The following DDX10 variants were observed in gnomAD, a reference collection of about 807,000 sequenced individuals.
The protein encoded by DDX10 is probable ATP-dependent RNA helicase DDX10.
In DDX10, 74 loss-of-function variants were observed where a neutral mutation model predicts 104.3. That is an observed-to-expected ratio of 0.71 (90% CI 0.59 to 0.86). DDX10 has a LOEUF of 0.86. Among genes scored for constraint, DDX10 ranks in the 40% least tolerant of loss-of-function variants. The probability of loss-of-function intolerance (pLI) is 0.00; values close to 1 mark genes in which losing one functional copy is unlikely to be tolerated. For synonymous variants in DDX10, 351 were observed against 353.4 expected, an observed-to-expected ratio of 0.99 and a Z score of 0.08; for missense variants, 952 against 1,040.0, an observed-to-expected ratio of 0.92 and a Z score of 1.16.
intron 13 of DDX10, among the ~76,000 whole-genome samples, chr11:108,726,079 G>A (rs372399244): frequency 6.6e-6 from 1 of 151,948 alleles, no homozygotes; most frequent in South Asian, 2.1e-4. Context: ...TTGAAAGTCA[G>A]TTGACTTTCA....
chr11:108,876,454 C>CA (rs1402301873), intron 16 of DDX10, among the ~76,000 whole-genome samples: 1 of 152,092 alleles, frequency 6.6e-6, no homozygotes, highest in Non-Finnish European at 1.5e-5. Context: ...CCTTTGGAGC[C>CA]ATGAGGTATG....
intron 10 of DDX10, among the ~76,000 whole-genome samples, chr11:108,711,860 C>T (rs2094284913): frequency 1.3e-5 from 2 of 152,198 alleles, no homozygotes; most frequent in South Asian, 2.1e-4. Flanking sequence ...TATGTTCTTA[C>T]TGACTTTCTG....
intron 16 of DDX10, among the ~76,000 whole-genome samples, chr11:108,853,880 A>C (rs1862829233): frequency 6.6e-6 from 1 of 152,234 alleles, no homozygotes; most frequent in South Asian, 2.1e-4. Context: ...CATCGGACTA[A>C]GAACAGAAAG....
chr11:108,693,691 G>A, intron 9 of DDX10, 91 bp downstream of exon 9: 3 of 1,022,346 alleles, frequency 2.9e-6, no homozygotes, highest in Non-Finnish European at 4.6e-6. Flanking sequence ...AAAGGAATCA[G>A]GTAAGTGAGT....
At chr11:108,736,128 A>G (rs558228363) in intron 13 of DDX10, among the ~76,000 whole-genome samples, 11 of 151,142 alleles carry the variant, frequency 7.3e-5, no homozygotes, top group African/African-American at 2.7e-4. Flanking sequence ...TATGAGAAAA[A>G]TGAACCCCTC....
At chr11:108,817,245 T>TA (rs1194710290) in intron 13 of DDX10, among the ~76,000 whole-genome samples, 3 of 152,226 alleles carry the variant, frequency 2.0e-5, no homozygotes, top group Non-Finnish European at 4.4e-5. Context: ...TGTGAGGCCT[T>TA]ACATAATCCA....
rs1355665720 is a variant in DDX10 at position 108,723,474 on chromosome 11, C to G, written c.1965+12C>G. On this transcript the variant is annotated intron_variant, in intron 13 of 17. Transcript: ENST00000322536. Reference sequence around the variant, plus strand: ...AGAAAACATTACAGGTAAGTTTACTCCCAGTGGAGGGTCTTCTATTACATT... The same window carrying G: ...AGAAAACATTACAGGTAAGTTTACTGCCAGTGGAGGGTCTTCTATTACATT... 1.2e-6 allele frequency: 2 copies of G among 1,601,206 alleles called. No homozygotes were observed. Among genetic ancestry groups the G allele is most frequent in the Non-Finnish European group, 1.7e-6 (2 of 1,174,408 alleles).
intron 13 of DDX10, among the ~76,000 whole-genome samples, chr11:108,800,672 G>A (rs903996943): frequency 6.6e-6 from 1 of 151,902 alleles, no homozygotes; most frequent in East Asian, 1.9e-4. Flanking sequence ...AATCAATATG[G>A]GAAACTATTG....
At chr11:108,874,755 A>G (rs1275806635) in intron 16 of DDX10, among the ~76,000 whole-genome samples, 1 of 152,124 alleles carries the variant, frequency 6.6e-6, no homozygotes, top group African/African-American at 2.4e-5. Flanking sequence ...TAACAAATCC[A>G]GCCTTACTTG....
chr11:108,841,478 T>C lies in DDX10; in HGVS notation c.2247+2T>C. 1 of 1,613,270 alleles carries C rather than the reference T, an allele frequency of 6.2e-7. No individual in the cohort carries two copies. Among genetic ancestry groups the C allele is most frequent in the Non-Finnish European group, 8.5e-7 (1 of 1,179,554 alleles). ...AAAAAAATTAAGGCAAAGCATCGGG[T>C]AAGCTTTCCATCTTGAATTCATACT... On this transcript the variant is annotated splice_donor_variant, in intron 15 of 17. Coordinates refer to ENST00000322536, the MANE Select transcript of DDX10 (RefSeq NM_004398.4). LOFTEE classifies it high-confidence loss of function.
intron 11 of DDX10, among the ~76,000 whole-genome samples, chr11:108,716,948 A>G (rs752473095): frequency 1.3e-5 from 2 of 152,056 alleles, no homozygotes; most frequent in Non-Finnish European, 2.9e-5. Context: ...TTTTTAGAAT[A>G]TTCCACAGTA....
chr11:108,936,415 C>T (rs34651663), intron 17 of DDX10, among the ~76,000 whole-genome samples: 15,269 of 152,082 alleles, frequency 0.1, 911 homozygotes, highest in East Asian at 0.23. Flanking sequence ...GAGTAATTGA[C>T]GTATACCTAG....
intron 10 of DDX10, among the ~76,000 whole-genome samples, 188 bp from the exon 11 acceptor site, chr11:108,715,691 T>G (rs1476717350): frequency 1.3e-5 from 2 of 152,240 alleles, no homozygotes; most frequent in Non-Finnish European, 2.9e-5. Flanking sequence ...CATTTCTTTC[T>G]CCTGTGTTAT....
chr11:108,800,108 A>G (rs1009726881), intron 13 of DDX10, among the ~76,000 whole-genome samples: 1 of 151,364 alleles, frequency 6.6e-6, no homozygotes, highest in African/African-American at 2.4e-5. Context: ...CCCAGCTTCA[A>G]TTCCTTTCCT....
chr11:108,727,546 C>G (rs989079400), intron 13 of DDX10, among the ~76,000 whole-genome samples: 2 of 152,098 alleles, frequency 1.3e-5, no homozygotes, highest in Non-Finnish European at 1.5e-5. Context: ...TAAAAATACT[C>G]AGAATTTTAT....
chr11:108,845,140 G>A (rs1862697248), intron 15 of DDX10, among the ~76,000 whole-genome samples: 3 of 152,056 alleles, frequency 2.0e-5, no homozygotes, highest in South Asian at 2.1e-4. Context: ...CCCGGGAGGC[G>A]GAGCTTGCAG....
At chr11:108,803,583 A>AG (rs2134560591) in intron 13 of DDX10, among the ~76,000 whole-genome samples, 1 of 42,378 alleles carries the variant, frequency 2.4e-5, no homozygotes, top group Admixed American at 3.2e-4. Flanking sequence ...AACAAGAGCG[A>AG]AAAAAAAAAA....
At chr11:108,799,466 G>T (rs74364719) in intron 13 of DDX10, among the ~76,000 whole-genome samples, 2,122 of 152,198 alleles carry the variant, frequency 0.014, 26 homozygotes, top group Admixed American at 0.023. Context: ...GCCTTTGTCT[G>T]CCAGGGTTCT....
At position 108,692,053 on chromosome 11, in the gene DDX10, T is replaced by G. The variant is rs369000311; in HGVS notation, c.1138+15T>G. 2 of 1,574,378 alleles carry G rather than the reference T, an allele frequency of 1.3e-6. No individual in the cohort carries two copies. The highest frequency in any genetic ancestry group is 1.7e-6 in the Non-Finnish European group (2 of 1,159,070). ...CAGGGGTCTGGGTAAGAAAACTTCCTATCATGAAATTTCTGTGATTGTGTG... is the reference window on the plus strand; with the variant it reads ...CAGGGGTCTGGGTAAGAAAACTTCCGATCATGAAATTTCTGTGATTGTGTG... On this transcript the variant is annotated intron_variant, in intron 8 of 17. Transcript: ENST00000322536.
Sources: gnomAD v4.1 joint callset for allele counts (sites outside exome capture counted in the v4.1 genomes callset) on GRCh38, gnomAD v4.1.1 for gene constraint, MANE v1.5 for transcripts, NCBI Gene and HGNC (gene_info 2026-07-23, HGNC 2026-07-21) for gene names.